Variants in ERICH3 observed in about 807,000 individuals in gnomAD.
ERICH3 encodes the protein glutamate-rich protein 3.
A neutral mutation model predicts 131.1 loss-of-function variants in ERICH3; 126 were observed. The ratio of observed to expected loss-of-function variants is 0.96; its 90% CI spans 0.83 to 1.11. ERICH3 has a LOEUF of 1.11. Ranked by LOEUF, ERICH3 falls within the 50% of genes most tolerant of loss-of-function variation. The pLI, the probability that ERICH3 is intolerant of heterozygous loss-of-function variation, is 0.00. For synonymous variants in ERICH3, 695 were observed against 644.6 expected, an observed-to-expected ratio of 1.08 and a Z score of -1.18; for missense variants, 2,050 against 1,810.7, an observed-to-expected ratio of 1.13 and a Z score of -2.40.
Position 74,636,300 on chromosome 1 carries a change from C to T in ERICH3, c.583G>A (p.Glu195Lys). The change falls in exon 6 of 15, where the codon GAA becomes AAA. Residue 195 changes from glutamate to lysine, a missense_variant. Transcript: ENST00000326665. ...SRSKTSLLEN[E>K]ALFPIGGKKA... ...TTTACCCCAATGGGAAACAGAGCTT[C>T]ATTTTCCAGCAATGAGGTTTTTGAT... is the stretch of plus-strand genomic sequence containing the variant. 6.2e-7 allele frequency: 1 copy of T among 1,607,248 alleles called. No homozygotes were observed. Among genetic ancestry groups the T allele is most frequent in the Non-Finnish European group, 8.5e-7 (1 of 1,176,640 alleles).
In ERICH3 at chr1:74,571,257, C is replaced by A; in HGVS notation, c.4453G>T (p.Glu1485Ter). The A allele has an allele frequency of 1.2e-6, 2 of 1,614,032 alleles. No individual in the cohort carries two copies. Among genetic ancestry groups the A allele is most frequent in the Non-Finnish European group, 1.7e-6 (2 of 1,180,000 alleles). The change falls in exon 14 of 15, where the codon GAA becomes TAA. Residue 1485 changes from glutamate (E) to a stop codon, truncating the protein, a stop_gained. Coordinates refer to ENST00000326665, the MANE Select transcript of ERICH3 (RefSeq NM_001002912.5). LOFTEE classifies it high-confidence loss of function. ...GCCTGTAGACTCTCCGGACTCAATT[C>A]CCTCTCTCCCTCCCGTGATAATCCT... ...RLGLSREGERELSPESLQAMA... is the reference protein window; with the variant it reads ...RLGLSREGER
At chr1:74,640,166 A>G (rs1277428663) in intron 5 of ERICH3, among the ~76,000 whole-genome samples, 1 of 152,180 alleles carries the variant, frequency 6.6e-6, no homozygotes, top group African/African-American at 2.4e-5. Flanking sequence ...AATTGAAAAG[A>G]AAGCCTTTCA....
chr1:74,654,334 T>C (rs1449853464), intron 1 of ERICH3, among the ~76,000 whole-genome samples: 1 of 151,824 alleles, frequency 6.6e-6, no homozygotes, highest in Non-Finnish European at 1.5e-5. Flanking sequence ...AGTATATATG[T>C]ATATCCTACT....
chr1:74,639,036 G>A (rs1365757465), intron 5 of ERICH3, among the ~76,000 whole-genome samples: 1 of 152,106 alleles, frequency 6.6e-6, no homozygotes, highest in Non-Finnish European at 1.5e-5. Flanking sequence ...AAGCCAAGTG[G>A]ATTGACTAAA....
rs981753274 is a variant in ERICH3 at position 74,592,430 on chromosome 1, G to T, written c.1727-2350C>A. ...TCTTTAAAAAAAGAACATCAGCTCT[G>T]ATTTATTAGCAGTTTAATCAATGGC... is the stretch of plus-strand genomic sequence containing the variant. On this transcript the variant is annotated intron_variant, in intron 11 of 14. Coordinates refer to ENST00000326665, the MANE Select transcript of ERICH3 (RefSeq NM_001002912.5). Among the ~76,000 whole-genome samples the T allele has an allele frequency of 2.6e-5, 4 of 152,166 alleles. No homozygotes were observed. The South Asian group carries it at 6.2e-4, about 24-fold the overall frequency.
chr1:74,607,133 C>A (rs531106022), intron 9 of ERICH3, among the ~76,000 whole-genome samples: 11 of 152,018 alleles, frequency 7.2e-5, no homozygotes, highest in African/African-American at 2.7e-4. Flanking sequence ...ATAACGTTAT[C>A]CACAATAATA....
At chr1:74,674,031 A>T (rs74797723), upstream of ERICH3, among the ~76,000 whole-genome samples, 281 of 152,344 alleles carry the variant, frequency 1.8e-3, no homozygotes, top group Middle Eastern at 6.8e-3. Flanking sequence ...GGCTGAGGGT[A>T]ATAAGAGCAG....
chr1:74,613,482 A>G (rs936679281), intron 8 of ERICH3, among the ~76,000 whole-genome samples: 1 of 152,172 alleles, frequency 6.6e-6, no homozygotes, highest in Non-Finnish European at 1.5e-5. Flanking sequence ...TATGCTATCT[A>G]TTGATAAAGC....
intron 12 of ERICH3, among the ~76,000 whole-genome samples, chr1:74,584,272 T>A (rs564828799): frequency 6.6e-6 from 1 of 152,342 alleles, no homozygotes; most frequent in South Asian, 2.1e-4. Flanking sequence ...AGCCTCCATA[T>A]AGTAGCCAGA....
intron 8 of ERICH3, among the ~76,000 whole-genome samples, chr1:74,613,053 T>A (rs1025195707): frequency 1.3e-5 from 2 of 152,194 alleles, no homozygotes; most frequent in Non-Finnish European, 2.9e-5. Flanking sequence ...AATCTCATAA[T>A]GTTTGAAGAA....
At chr1:74,671,440 T>C (rs1250098132) in intron 1 of ERICH3, among the ~76,000 whole-genome samples, 28 of 152,344 alleles carry the variant, frequency 1.8e-4, no homozygotes, top group Admixed American at 1.4e-3. Context: ...AACTTGCTGG[T>C]TTGAGACTCA....
chr1:74,573,136 G>GCTGCT lies in ERICH3; in HGVS notation c.2573_2574insAGCAG (p.Ile859AlafsTer3). 2.5e-6 allele frequency: 4 copies of GCTGCT among 1,613,538 alleles called. No homozygotes were observed. The highest frequency in any genetic ancestry group is 2.5e-6 in the Non-Finnish European group (3 of 1,179,752). ...CATCTTTTGCTGCTGCTTGTCCTAT[G>GCTGCT]GGGTCTGACCCCCCTTCACCCAGCC... is the stretch of plus-strand genomic sequence containing the variant. On this transcript the variant is annotated frameshift_variant, in exon 14 of 15. Coordinates refer to ENST00000326665, the MANE Select transcript of ERICH3 (RefSeq NM_001002912.5). LOFTEE classifies it high-confidence loss of function.
chr1:74,586,371 C>T (rs1273112686), intron 12 of ERICH3: 2 of 957,750 alleles, frequency 2.1e-6, no homozygotes, highest in South Asian at 4.8e-5. Flanking sequence ...TATATCTATA[C>T]CTATCTACCT....
In ERICH3 at chr1:74,573,233, G is replaced by A. The variant is rs1435200130; in HGVS notation, c.2477C>T (p.Thr826Ile). 1 of 1,606,796 alleles carries A rather than the reference G, an allele frequency of 6.2e-7. No homozygotes were observed. Among genetic ancestry groups the A allele is most frequent in the Non-Finnish European group, 8.5e-7 (1 of 1,177,016 alleles). Residue 826 changes from threonine to isoleucine, a missense_variant, in exon 14 of 15, where the codon ACA becomes ATA. Coordinates refer to ENST00000326665, the MANE Select transcript of ERICH3 (RefSeq NM_001002912.5). The stretch of plus-strand genomic sequence containing the variant: ...GCCTGGAGGGATCTCCCTTTTTTCT[G>A]TAAACTCTTCTGCCAATTCTGGCTG... ...AEQPELAEEF[T>I]EKREIPPGIE...
intron 11 of ERICH3, among the ~76,000 whole-genome samples, chr1:74,597,956 G>A (rs1297366895): frequency 1.3e-5 from 2 of 151,884 alleles, no homozygotes; most frequent in African/African-American, 4.8e-5. Flanking sequence ...CTAACATCTA[G>A]TGAGAACATT....
At chr1:74,634,434 A>G (rs1173651997) in intron 6 of ERICH3, among the ~76,000 whole-genome samples, 1 of 152,096 alleles carries the variant, frequency 6.6e-6, no homozygotes, top group Non-Finnish European at 1.5e-5. Flanking sequence ...TCTTTCAATA[A>G]TACATACCCC....
intron 2 of ERICH3, among the ~76,000 whole-genome samples, chr1:74,648,231 C>T (rs1387132618): frequency 6.6e-6 from 1 of 152,096 alleles, no homozygotes; most frequent in Non-Finnish European, 1.5e-5. Flanking sequence ...ATACAAAGTC[C>T]TTCCCATTTG....
At chr1:74,570,635 CT>C (rs1329992185) in intron 14 of ERICH3, among the ~76,000 whole-genome samples, 196 bp from the exon 15 acceptor site, 2 of 152,038 alleles carry the variant, frequency 1.3e-5, no homozygotes, top group African/African-American at 4.8e-5. Flanking sequence ...TATGTAAAAA[CT>C]TTGCGAAACT....
At chr1:74,627,254 T>A (rs1649449078) in intron 7 of ERICH3, among the ~76,000 whole-genome samples, 1 of 151,986 alleles carries the variant, frequency 6.6e-6, no homozygotes, top group Non-Finnish European at 1.5e-5. Context: ...GTGTAAAGGC[T>A]GAAGCCTATA....
Sources: gnomAD v4.1 joint callset for allele counts (sites outside exome capture counted in the v4.1 genomes callset) on GRCh38, gnomAD v4.1.1 for gene constraint, MANE v1.5 for transcripts, NCBI Gene and HGNC (gene_info 2026-07-23, HGNC 2026-07-21) for gene names.